The following KIAA1217 variants were observed in gnomAD, a reference collection of about 807,000 sequenced individuals.
KIAA1217 encodes the protein KIAA1217.
In KIAA1217, 88 loss-of-function variants were observed where a neutral mutation model predicts 163.9. The ratio of observed to expected loss-of-function variants is 0.54; its 90% CI spans 0.45 to 0.64. The LOEUF (loss-of-function observed/expected upper bound fraction) is 0.64, where lower values mean the gene tolerates loss of function less well. Ranked by LOEUF, KIAA1217 falls within the 30% of genes least tolerant of loss-of-function variation. The probability of loss-of-function intolerance (pLI) is 0.00; values close to 1 mark genes in which losing one functional copy is unlikely to be tolerated. For synonymous variants in KIAA1217, 903 were observed against 923.1 expected (o/e 0.98, Z 0.39); for missense variants, 2,372 against 2,475.0 (o/e 0.96, Z 0.88).
chr10:23,992,257 A>C (rs1291717068), intron 1 of KIAA1217, among the ~76,000 whole-genome samples: 1 of 152,200 alleles, frequency 6.6e-6, no homozygotes, highest in African/African-American at 2.4e-5. Context: ...AAAAGGAAAA[A>C]CTCACTAAGT....
intron 1 of KIAA1217, among the ~76,000 whole-genome samples, chr10:23,946,544 G>A (rs1844056840): frequency 6.6e-6 from 1 of 152,118 alleles, no homozygotes; most frequent in African/African-American, 2.4e-5. Flanking sequence ...TATAATTCAT[G>A]TCTTTACCTT....
intron 2 of KIAA1217, among the ~76,000 whole-genome samples, chr10:24,245,262 C>G (rs1457311271): frequency 6.6e-6 from 1 of 152,188 alleles, no homozygotes; most frequent in Non-Finnish European, 1.5e-5. Context: ...AGTAAACGCA[C>G]ATGATCATGC....
intron 17 of KIAA1217, among the ~76,000 whole-genome samples, chr10:24,538,580 G>T (rs2074414572): frequency 1.1e-5 from 1 of 93,486 alleles, no homozygotes; most frequent in African/African-American, 3.7e-5. Flanking sequence ...AAGGAAGGAA[G>T]GAAGGAAGGA....
chr10:23,888,946 A>C (rs1841305637), intron 1 of KIAA1217, among the ~76,000 whole-genome samples: 7 of 151,882 alleles, frequency 4.6e-5, no homozygotes. Context: ...GAATCATTCA[A>C]GACATATTGG....
chr10:24,501,114 A>G (rs2067526582), intron 8 of KIAA1217, among the ~76,000 whole-genome samples: 3 of 152,124 alleles, frequency 2.0e-5, no homozygotes, highest in African/African-American at 4.8e-5. Flanking sequence ...AAATTGATCA[A>G]TTGATAGAAC....
At chr10:24,485,859 T>G (rs577339142) in intron 6 of KIAA1217, among the ~76,000 whole-genome samples, 7 of 152,308 alleles carry the variant, frequency 4.6e-5, no homozygotes, top group Admixed American at 1.3e-4. Flanking sequence ...GACTTCTGAG[T>G]GGAGATTTGT....
intron 1 of KIAA1217, among the ~76,000 whole-genome samples, chr10:23,999,860 G>A (rs1201355036): frequency 1.3e-5 from 2 of 152,022 alleles, no homozygotes; most frequent in Non-Finnish European, 2.9e-5. Context: ...AGGAATTTGA[G>A]ACCAGACTAG....
chr10:24,218,492 T>C (rs2069133645), intron 1 of KIAA1217, among the ~76,000 whole-genome samples: 1 of 152,108 alleles, frequency 6.6e-6, no homozygotes, highest in Non-Finnish European at 1.5e-5. Flanking sequence ...TTGTTACTTT[T>C]TTTTTTTTTC....
chr10:23,779,590 A>G (rs930229921), intron 1 of KIAA1217, among the ~76,000 whole-genome samples: 19 of 152,158 alleles, frequency 1.2e-4, no homozygotes, highest in African/African-American at 4.6e-4. Context: ...CAGCACTGTT[A>G]TTTTACGTTT....
At chr10:24,013,094 G>C (rs563673658) in intron 2 of KIAA1217, among the ~76,000 whole-genome samples, 16 of 152,094 alleles carry the variant, frequency 1.1e-4, no homozygotes, top group African/African-American at 3.1e-4. Flanking sequence ...TCCCTTTCAC[G>C]ATCTATTTGG....
intron 2 of KIAA1217, among the ~76,000 whole-genome samples, chr10:24,349,214 G>A (rs1477126146): frequency 6.6e-6 from 1 of 151,484 alleles, no homozygotes; most frequent in Non-Finnish European, 1.5e-5. Context: ...GTTAATGGAT[G>A]CATGATGTTA....
rs979058101 is a variant in KIAA1217, at chr10:24,203,716, C to G, written c.-170-15910C>G. ...GTAAAGCAAGGTAGCAACCCAGGTG[C>G]TTGTATCTGTAGAAGCTCTCATATT... On this transcript the variant is annotated intron_variant, in intron 2 of 18. Transcript: ENST00000376462. Among the ~76,000 whole-genome samples the G allele has an allele frequency of 6.6e-5, 10 of 152,352 alleles. No individual in the cohort carries two copies. In the South Asian group the frequency reaches 2.1e-3, roughly 32 times the overall value.
intron 1 of KIAA1217, among the ~76,000 whole-genome samples, chr10:23,931,069 G>C (rs1843234825): frequency 6.6e-6 from 1 of 152,046 alleles, no homozygotes; most frequent in Admixed American, 6.5e-5. Flanking sequence ...ATTTTCTATA[G>C]TTCCTACTTC....
intron 2 of KIAA1217, among the ~76,000 whole-genome samples, chr10:24,152,542 G>A (rs1357250958): frequency 6.6e-6 from 1 of 152,200 alleles, no homozygotes; most frequent in African/African-American, 2.4e-5. Flanking sequence ...GAAACAGGCA[G>A]TGGCTTTAAG....
chr10:24,439,986 A>G (rs749330519), intron 5 of KIAA1217, among the ~76,000 whole-genome samples: 5 of 152,230 alleles, frequency 3.3e-5, no homozygotes, highest in Non-Finnish European at 7.3e-5. Flanking sequence ...GTTTAGAACC[A>G]TAAAAGAAGC....
intron 2 of KIAA1217, among the ~76,000 whole-genome samples, chr10:24,319,952 G>A (rs567676431): frequency 3.9e-5 from 6 of 152,224 alleles, no homozygotes; most frequent in East Asian, 1.9e-4. Flanking sequence ...ACTAAAACCC[G>A]CATGAATGAT....
rs141511657 is a variant in KIAA1217 at position 23,812,418 on chromosome 10, T to A, written c.-321+117184T>A. Reference sequence around the variant, plus strand: ...TTTATTTGGTATCTTTGATTGTATTTGGCACAGGCCATAGTAGGAGCTTGG... The same window carrying A: ...TTTATTTGGTATCTTTGATTGTATTAGGCACAGGCCATAGTAGGAGCTTGG... On this transcript the variant is annotated intron_variant, in intron 1 of 18. Transcript: ENST00000376462. 4.8e-3 allele frequency among the ~76,000 whole-genome samples: 735 copies of A among 152,332 alleles called. 2 individuals carry two copies. Among genetic ancestry groups the A allele is most frequent in the South Asian group, 0.03 (144 of 4,832 alleles).
At chr10:24,306,142 C>G (rs1437126142) in intron 2 of KIAA1217, among the ~76,000 whole-genome samples, 1 of 152,118 alleles carries the variant, frequency 6.6e-6, no homozygotes, top group East Asian at 1.9e-4. Context: ...AATATACATG[C>G]TATTTGATCA....
At chr10:23,772,322 G>A (rs1050870353) in intron 1 of KIAA1217, among the ~76,000 whole-genome samples, 5 of 152,080 alleles carry the variant, frequency 3.3e-5, no homozygotes, top group African/African-American at 1.2e-4. Context: ...GACCTGTTGT[G>A]CTATCCTCTT....
Sources: allele counts gnomAD v4.1 joint callset (sites outside exome capture counted in the v4.1 genomes callset), GRCh38; gene constraint gnomAD v4.1.1; transcripts MANE v1.5; gene names NCBI Gene and HGNC (gene_info 2026-07-23, HGNC 2026-07-21).